The following DNER variants were observed in gnomAD, a reference collection of about 807,000 sequenced individuals.
DNER encodes the protein delta/notch like EGF repeat containing.
A neutral mutation model predicts 78.2 loss-of-function variants in DNER; 33 were observed. The ratio of observed to expected loss-of-function variants is 0.42; its 90% CI spans 0.32 to 0.56. The LOEUF (loss-of-function observed/expected upper bound fraction) is 0.56. Ranked by LOEUF, DNER falls within the 20% of genes least tolerant of loss-of-function variation. DNER has a pLI of 0.11. For synonymous variants in DNER, 417 were observed against 384.8 expected (o/e 1.08, Z -0.98); for missense variants, 918 against 975.3 (o/e 0.94, Z 0.78).
chr2:229,451,589 C>T (rs1310412800), intron 7 of DNER, among the ~76,000 whole-genome samples: 1 of 152,232 alleles, frequency 6.6e-6, no homozygotes, highest in Admixed American at 6.5e-5. Context: ...GATGTAAGAA[C>T]TATAATAGCC....
At position 229,512,879 on chromosome 2, in the gene DNER, C is replaced by T. The variant is rs146813937; in HGVS notation, c.1051G>A (p.Asp351Asn). Residue 351 changes from aspartate (D) to asparagine (N), a missense_variant, in exon 6 of 13, where the codon GAT becomes AAT. Asp to Asn is a conservative substitution (Grantham distance 23). Transcript: ENST00000341772. ...QYVGTFCEEY[D>N]ACQRKPCQNN... is the part of the protein sequence containing the mutation. ...TGGCAAGGTTTCCTCTGGCAAGCATCGTATTCTTCACAGAAAGTACCCACG... is the reference window on the plus strand; with the variant it reads ...TGGCAAGGTTTCCTCTGGCAAGCATTGTATTCTTCACAGAAAGTACCCACG... The T allele has an allele frequency of 7.6e-5, 123 of 1,614,146 alleles. 1 individual carries two copies. The African/African-American group carries it at 1.4e-3, about 18-fold the overall frequency.
intron 1 of DNER, among the ~76,000 whole-genome samples, chr2:229,645,488 T>C (rs991253903): frequency 6.6e-5 from 10 of 152,198 alleles, no homozygotes; most frequent in Non-Finnish European, 8.8e-5. Flanking sequence ...AAATAGGCCA[T>C]GCATTTTGCC....
intron 1 of DNER, among the ~76,000 whole-genome samples, chr2:229,697,065 T>C (rs1180740212): frequency 1.3e-5 from 2 of 152,188 alleles, no homozygotes; most frequent in Admixed American, 6.5e-5. Context: ...AGCAGCACTA[T>C]TCACAATAGC....
intron 1 of DNER, among the ~76,000 whole-genome samples, chr2:229,648,370 A>G (rs1281042706): frequency 6.6e-6 from 1 of 152,226 alleles, no homozygotes; most frequent in Admixed American, 6.5e-5. Context: ...TCATCTATCC[A>G]TTGTGCAAAT....
intron 1 of DNER, among the ~76,000 whole-genome samples, chr2:229,620,453 G>A (rs1698233657): frequency 1.3e-5 from 2 of 152,104 alleles, no homozygotes. Context: ...GTCAGCCATC[G>A]GGCTTCAGCC....
At chr2:229,519,163 G>A (rs1160487097) in intron 5 of DNER, among the ~76,000 whole-genome samples, 26 of 151,878 alleles carry the variant, frequency 1.7e-4, no homozygotes, top group Admixed American at 1.7e-3. Flanking sequence ...CAAATATCAT[G>A]AATAAATCTA....
intron 11 of DNER, among the ~76,000 whole-genome samples, chr2:229,381,829 G>A (rs1270148210): frequency 6.6e-6 from 1 of 152,198 alleles, no homozygotes; most frequent in Non-Finnish European, 1.5e-5. Flanking sequence ...GCACCTGGGG[G>A]AAGGGGCAGC....
chr2:229,513,346 T>C (rs529213031), intron 5 of DNER, among the ~76,000 whole-genome samples: 71 of 152,314 alleles, frequency 4.7e-4, no homozygotes, highest in African/African-American at 1.5e-3. Context: ...GCAACAAAGA[T>C]GTCATCAAAT....
intron 8 of DNER, among the ~76,000 whole-genome samples, chr2:229,429,115 T>C (rs567174567): frequency 1.3e-5 from 2 of 152,126 alleles, no homozygotes; most frequent in African/African-American, 4.8e-5. Flanking sequence ...GTCACCAAGA[T>C]GGTGGAGCAT....
At chr2:229,493,841 T>C (rs1165434887) in intron 6 of DNER, among the ~76,000 whole-genome samples, 1 of 151,834 alleles carries the variant, frequency 6.6e-6, no homozygotes, top group Non-Finnish European at 1.5e-5. Flanking sequence ...GCCCAGAGAG[T>C]TGCATAATCT....
chr2:229,493,717 G>C (rs1203345809), intron 6 of DNER, among the ~76,000 whole-genome samples: 1 of 152,174 alleles, frequency 6.6e-6, no homozygotes, highest in Non-Finnish European at 1.5e-5. Flanking sequence ...TCAGGCTCCA[G>C]GCTAGGTACT....
intron 5 of DNER, among the ~76,000 whole-genome samples, chr2:229,542,574 C>A (rs527326607): frequency 6.6e-6 from 1 of 152,160 alleles, no homozygotes; most frequent in East Asian, 1.9e-4. Context: ...AATTAAATCA[C>A]AAAATACAGT....
chr2:229,388,443 T>G, intron 10 of DNER, 47 bp from the exon 11 acceptor site: 2 of 1,529,500 alleles, frequency 1.3e-6, no homozygotes, highest in Non-Finnish European at 1.8e-6. Flanking sequence ...CACCCATGGT[T>G]CCTGTCATTT....
chr2:229,563,633 ACAT>A (rs1360494724), intron 4 of DNER, among the ~76,000 whole-genome samples: 5 of 87,906 alleles, frequency 5.7e-5, no homozygotes, highest in African/African-American at 1.8e-4. Flanking sequence ...CCCATCACCA[ACAT>A]CATCAACATC....
intron 12 of DNER, among the ~76,000 whole-genome samples, chr2:229,361,909 G>A (rs1407105693): frequency 6.6e-6 from 1 of 151,982 alleles, no homozygotes; most frequent in African/African-American, 2.4e-5. Flanking sequence ...TGTGCTGGGT[G>A]GGGCGGGCTG....
At chr2:229,691,362 C>A (rs59541630) in intron 1 of DNER, among the ~76,000 whole-genome samples, 56,521 of 151,812 alleles carry the variant, frequency 0.37, 11,077 homozygotes, top group East Asian at 0.71. Context: ...CACATCGCAG[C>A]TCTGGTTCAC....
chr2:229,640,028 G>A (rs140750647), intron 1 of DNER, among the ~76,000 whole-genome samples: 1 of 152,346 alleles, frequency 6.6e-6, no homozygotes, highest in East Asian at 1.9e-4. Context: ...GGAAACATCA[G>A]CAGAAGTCCT....
intron 11 of DNER, among the ~76,000 whole-genome samples, chr2:229,370,257 C>G (rs563019688): frequency 5.1e-4 from 77 of 152,168 alleles, no homozygotes; most frequent in Non-Finnish European, 7.5e-4. Context: ...AAATGACCCA[C>G]GTGCCCATCC....
At chr2:229,464,632 CAG>C (rs1694765217) in intron 7 of DNER, among the ~76,000 whole-genome samples, 1 of 152,174 alleles carries the variant, frequency 6.6e-6, no homozygotes, top group South Asian at 2.1e-4. Flanking sequence ...AGCCATGCAT[CAG>C]GCACTGCTTC....
Sources: gnomAD v4.1 joint callset for allele counts (sites outside exome capture counted in the v4.1 genomes callset) on GRCh38, gnomAD v4.1.1 for gene constraint, MANE v1.5 for transcripts, NCBI Gene and HGNC (gene_info 2026-07-23, HGNC 2026-07-21) for gene names.